Variants in EPSTI1 observed in about 807,000 individuals in gnomAD.
EPSTI1 encodes the protein epithelial-stromal interaction protein 1.
In EPSTI1, 66 loss-of-function variants were observed where a neutral mutation model predicts 49.9. The ratio of observed to expected loss-of-function variants is 1.32; its 90% confidence interval spans 1.08 to 1.62. The LOEUF is 1.62. Ranked by LOEUF, EPSTI1 falls within the 40% of genes most tolerant of loss-of-function variation. The probability of loss-of-function intolerance (pLI) is 0.00; values close to 1 mark genes in which losing one functional copy is unlikely to be tolerated. For synonymous variants in EPSTI1, 137 were observed against 130.7 expected (o/e 1.05, Z -0.33); for missense variants, 394 against 365.5 (o/e 1.08, Z -0.64).
At chr13:42,974,790 C>CA (rs2039849198) in intron 1 of EPSTI1, among the ~76,000 whole-genome samples, 1 of 151,942 alleles carries the variant, frequency 6.6e-6, no homozygotes. Flanking sequence ...TTGAAGTTAT[C>CA]AAAAATATCT....
chr13:42,935,962 T>C (rs1032305277), intron 6 of EPSTI1, among the ~76,000 whole-genome samples: 2 of 152,176 alleles, frequency 1.3e-5, no homozygotes, highest in Admixed American at 6.5e-5. Context: ...TCATACTTCA[T>C]TGAGAATAGA....
intron 6 of EPSTI1, among the ~76,000 whole-genome samples, chr13:42,946,041 C>T (rs1047622091): frequency 5.9e-5 from 9 of 152,150 alleles, no homozygotes; most frequent in African/African-American, 2.2e-4. Flanking sequence ...TTAAGCCTAC[C>T]ATATGGGTAA....
rs562988730 is a variant in EPSTI1, at chr13:42,941,816, G to T, written c.563+12132C>A. ...GTAGATTTTAGTCAGTCTTCTTAAA[G>T]TCAGTATTTATAAAGAATATGTGTT... On this transcript the variant is annotated intron_variant, in intron 6 of 10. Transcript: ENST00000313624. Among the ~76,000 whole-genome samples the T allele has an allele frequency of 9.3e-4, 141 of 151,742 alleles. 1 individual carries two copies. Among genetic ancestry groups the T allele is most frequent in the African/African-American group, 3.1e-3 (128 of 41,422 alleles).
intron 8 of EPSTI1, among the ~76,000 whole-genome samples, chr13:42,908,769 C>T (rs113056899): frequency 6.6e-6 from 1 of 152,054 alleles, no homozygotes; most frequent in African/African-American, 2.4e-5. Flanking sequence ...AGCAAGAGAA[C>T]AAATAACCTA....
At chr13:42,985,339 G>C (rs1566182838) in intron 1 of EPSTI1, among the ~76,000 whole-genome samples, 1 of 152,224 alleles carries the variant, frequency 6.6e-6, no homozygotes, top group Non-Finnish European at 1.5e-5. Context: ...ATCAGTCCAA[G>C]GCTGGACAGA....
In EPSTI1 at chr13:42,917,640, G is replaced by GATAAAA; in HGVS notation, c.658-17_658-16insTTTTAT. On this transcript the variant is annotated splice_polypyrimidine_tract_variant and intron_variant, in intron 7 of 10. Transcript: ENST00000313624. ...AGCTTCTGGCCTGTAAAGGTACAAA[G>GATAAAA]AGAAAAAAAAAAAAAAAAACAACTT... 1 of 149,424 alleles carries GATAAAA rather than the reference G, an allele frequency of 6.7e-6. No individual in the cohort carries two copies. The highest frequency in any genetic ancestry group is 1.1e-5 in the Non-Finnish European group (1 of 92,642). 9.3% of individuals were successfully genotyped at this position (149,424 alleles called of 1,614,324 possible). A position where few individuals can be genotyped will look rare whatever the true frequency, so the allele number is the denominator to read the frequency against.
intron 1 of EPSTI1, among the ~76,000 whole-genome samples, chr13:42,980,607 C>A (rs944806558): frequency 6.6e-6 from 1 of 152,130 alleles, no homozygotes; most frequent in Middle Eastern, 3.2e-3. Flanking sequence ...AATTACCTCC[C>A]ATGGGTCCCT....
At chr13:42,968,145 C>T (rs1195670550) in intron 3 of EPSTI1, among the ~76,000 whole-genome samples, 1 of 152,078 alleles carries the variant, frequency 6.6e-6, no homozygotes, top group East Asian at 1.9e-4. Context: ...ATCTCAGGGG[C>T]CAAGCTAGGA....
At chr13:42,938,932 A>AAAAAAAAAG (rs1566136910) in intron 6 of EPSTI1, among the ~76,000 whole-genome samples, 1 of 149,768 alleles carries the variant, frequency 6.7e-6, no homozygotes, top group African/African-American at 2.5e-5. Context: ...AAAAAAAAAA[A>AAAAAAAAAG]TCTGTTGTTT....
chr13:42,902,604 A>G (rs1807986487), intron 8 of EPSTI1, among the ~76,000 whole-genome samples: 1 of 152,184 alleles, frequency 6.6e-6, no homozygotes, highest in Non-Finnish European at 1.5e-5. Flanking sequence ...AATGCTTTTG[A>G]TATGCAATGT....
At chr13:42,963,700 G>A in intron 4 of EPSTI1, 1 of 289,494 alleles carries the variant, frequency 3.5e-6, no homozygotes, top group Admixed American at 4.9e-5. Context: ...AAAATCGCTG[G>A]GAATCTTAAA....
intron 6 of EPSTI1, among the ~76,000 whole-genome samples, chr13:42,935,895 T>C (rs2038547183): frequency 6.6e-6 from 1 of 152,112 alleles, no homozygotes; most frequent in South Asian, 2.1e-4. Context: ...CCCGGCCCAC[T>C]CATGAATTCT....
chr13:42,990,175 GAA>G (rs35599695), intron 1 of EPSTI1, among the ~76,000 whole-genome samples: 163 of 112,566 alleles, frequency 1.4e-3, no homozygotes, highest in South Asian at 3.8e-3. Context: ...TTCACATGAG[GAA>G]AAAAAAAAAA....
At chr13:42,956,131 A>C (rs2153429357) in intron 5 of EPSTI1, among the ~76,000 whole-genome samples, 1 of 152,338 alleles carries the variant, frequency 6.6e-6, no homozygotes, top group Non-Finnish European at 1.5e-5. Context: ...ATGCAGAAAA[A>C]GCACTTATAT....
At chr13:42,923,371 C>T (rs1024908495) in intron 7 of EPSTI1, among the ~76,000 whole-genome samples, 3 of 152,046 alleles carry the variant, frequency 2.0e-5, no homozygotes, top group Non-Finnish European at 4.4e-5. Context: ...GATCACCCTG[C>T]GCAATGTGGC....
chr13:42,928,904 T>C (rs956945193), intron 6 of EPSTI1, among the ~76,000 whole-genome samples: 5 of 152,216 alleles, frequency 3.3e-5, no homozygotes, highest in African/African-American at 1.2e-4. Context: ...ATTGTTCTCC[T>C]GGCTGGAACA....
At chr13:42,947,703 GT>G (rs999333393) in intron 6 of EPSTI1, among the ~76,000 whole-genome samples, 1 of 152,102 alleles carries the variant, frequency 6.6e-6, no homozygotes, top group African/African-American at 2.4e-5. Flanking sequence ...GTTGAGAGCA[GT>G]TTTTCCTATG....
At chr13:42,955,822 A>C (rs981553162) in intron 5 of EPSTI1, among the ~76,000 whole-genome samples, 4 of 145,910 alleles carry the variant, frequency 2.7e-5, no homozygotes, top group South Asian at 2.2e-4. Flanking sequence ...ACAAAAAAAA[A>C]CAAAAAATGT....
At chr13:42,939,886 G>A (rs1364688502) in intron 6 of EPSTI1, among the ~76,000 whole-genome samples, 1 of 152,150 alleles carries the variant, frequency 6.6e-6, no homozygotes, top group African/African-American at 2.4e-5. Context: ...AACAAGGCAC[G>A]CCTGTACTTT....
Sources: allele counts gnomAD v4.1 joint callset (sites outside exome capture counted in the v4.1 genomes callset), GRCh38; gene constraint gnomAD v4.1.1; transcripts MANE v1.5; gene names NCBI Gene and HGNC (gene_info 2026-07-23, HGNC 2026-07-21).